The following SOX5 variants were observed in gnomAD, a reference collection of about 807,000 sequenced individuals.
SOX5 encodes SRY-box transcription factor 5.
SOX5 carries 9 observed loss-of-function variants against 92.0 expected under a neutral mutation model. The ratio of observed to expected loss-of-function variants is 0.10; its 90% CI spans 0.06 to 0.17. The LOEUF is 0.17. Ranked by LOEUF, SOX5 falls within the 10% of genes least tolerant of loss-of-function variation. The probability of loss-of-function intolerance (pLI) is 1.00; values close to 1 mark genes in which losing one functional copy is unlikely to be tolerated. For synonymous variants in SOX5, 344 were observed against 336.3 expected (o/e 1.02, Z -0.25); for missense variants, 642 against 944.5 (o/e 0.68, Z 4.20).
chr12:24,020,752 C>A (rs1036755273), intron 4 of SOX5, among the ~76,000 whole-genome samples: 2 of 152,170 alleles, frequency 1.3e-5, no homozygotes, highest in African/African-American at 4.8e-5. Flanking sequence ...GCTTAATCAA[C>A]TCCCTCGGAA....
At chr12:23,647,760 T>C (rs2081048759) in intron 7 of SOX5, among the ~76,000 whole-genome samples, 2 of 152,216 alleles carry the variant, frequency 1.3e-5, no homozygotes, top group Non-Finnish European at 1.5e-5. Context: ...TCAGCCTTCG[T>C]AGAATTGAAG....
intron 1 of SOX5, among the ~76,000 whole-genome samples, chr12:24,475,937 A>G (rs1484823423): frequency 6.6e-6 from 1 of 151,872 alleles, no homozygotes; most frequent in Admixed American, 6.6e-5. Context: ...AGCCATGTTC[A>G]TACCACTGCA....
intron 2 of SOX5, among the ~76,000 whole-genome samples, chr12:23,860,155 G>A (rs1267019574): frequency 1.3e-5 from 2 of 151,864 alleles, no homozygotes; most frequent in East Asian, 3.8e-4. Context: ...GGGGGGAAAC[G>A]GTGGGAGGAG....
chr12:23,682,992 A>G (rs2086877937), intron 6 of SOX5, among the ~76,000 whole-genome samples: 1 of 151,916 alleles, frequency 6.6e-6, no homozygotes, highest in Non-Finnish European at 1.5e-5. Flanking sequence ...CATAAAGGCA[A>G]AAATTATTGC....
chr12:24,276,444 C>T (rs1347763630), intron 3 of SOX5, among the ~76,000 whole-genome samples: 3 of 152,112 alleles, frequency 2.0e-5, no homozygotes, highest in African/African-American at 7.2e-5. Context: ...GCAAGATGAA[C>T]AGTGTTTCAT....
intron 9 of SOX5, among the ~76,000 whole-genome samples, chr12:23,600,745 T>C (rs1376780818): frequency 5.9e-5 from 9 of 151,732 alleles, no homozygotes; most frequent in African/African-American, 1.9e-4. Flanking sequence ...TGTTTTCACA[T>C]TTACAGAACA....
intron 1 of SOX5, among the ~76,000 whole-genome samples, chr12:24,486,347 A>C (rs1198017808): frequency 1.3e-5 from 2 of 152,042 alleles, no homozygotes; most frequent in East Asian, 3.9e-4. Context: ...CTACCATCCC[A>C]CCAAGTAATT....
At chr12:23,586,898 G>A (rs1365062090) in intron 9 of SOX5, among the ~76,000 whole-genome samples, 2 of 149,970 alleles carry the variant, frequency 1.3e-5, no homozygotes, top group Non-Finnish European at 3.0e-5. Flanking sequence ...CACAGTATAG[G>A]TCTATTTAAA....
chr12:24,464,430 T>G (rs981808461), intron 1 of SOX5, among the ~76,000 whole-genome samples: 3 of 151,182 alleles, frequency 2.0e-5, no homozygotes, highest in African/African-American at 7.3e-5. Flanking sequence ...TCACGCCGCC[T>G]CCCGGGTTCA....
intron 4 of SOX5, among the ~76,000 whole-genome samples, chr12:24,207,350 T>C (rs1185534300): frequency 6.6e-6 from 1 of 152,002 alleles, no homozygotes; most frequent in African/African-American, 2.4e-5. Flanking sequence ...CCGAGAACAA[T>C]ATCGCCACGT....
At chr12:24,030,781 G>T (rs1319899510) in intron 4 of SOX5, among the ~76,000 whole-genome samples, 1 of 151,898 alleles carries the variant, frequency 6.6e-6, no homozygotes, top group Admixed American at 6.6e-5. Context: ...GACAATATTT[G>T]CAAATCCTAT....
chr12:23,631,017 C>G (rs1263681346), intron 8 of SOX5, among the ~76,000 whole-genome samples: 1 of 151,896 alleles, frequency 6.6e-6, no homozygotes, highest in Non-Finnish European at 1.5e-5. Flanking sequence ...AATTAAGACT[C>G]CACCCTATGT....
intron 3 of SOX5, among the ~76,000 whole-genome samples, chr12:24,263,809 C>CT (rs1942618766): frequency 6.6e-6 from 1 of 152,108 alleles, no homozygotes; most frequent in Non-Finnish European, 1.5e-5. Context: ...CTGTTTCAAA[C>CT]TGGAAGTTCC....
intron 4 of SOX5, among the ~76,000 whole-genome samples, chr12:24,161,990 T>G (rs1451460882): frequency 6.6e-6 from 1 of 152,022 alleles, no homozygotes; most frequent in African/African-American, 2.4e-5. Context: ...TTAATAGAAA[T>G]CATTGGTAAG....
intron 1 of SOX5, among the ~76,000 whole-genome samples, chr12:24,555,005 G>C (rs1953626512): frequency 6.6e-6 from 1 of 152,232 alleles, no homozygotes; most frequent in African/African-American, 2.4e-5. Flanking sequence ...ACAACTCCCT[G>C]AAGGGGCTCT....
intron 1 of SOX5, among the ~76,000 whole-genome samples, chr12:24,547,381 C>T (rs1192424729): frequency 1.3e-5 from 2 of 150,814 alleles, no homozygotes; most frequent in East Asian, 1.9e-4. Context: ...TTAGTAGAGA[C>T]GGGGTTTCAC....
intron 1 of SOX5, among the ~76,000 whole-genome samples, chr12:24,380,962 G>T (rs1957764841): frequency 6.6e-6 from 1 of 152,124 alleles, no homozygotes; most frequent in South Asian, 2.1e-4. Context: ...TTTCCAAGGG[G>T]GGCATCTATA....
intron 6 of SOX5, among the ~76,000 whole-genome samples, chr12:23,720,540 AATG>A (rs2092756403): frequency 6.6e-6 from 1 of 152,094 alleles, no homozygotes; most frequent in African/African-American, 2.4e-5. Flanking sequence ...CACAAATCCC[AATG>A]ATATGTTGTT....
chr12:24,288,527 T>C (rs1946194621), intron 2 of SOX5, among the ~76,000 whole-genome samples: 1 of 151,500 alleles, frequency 6.6e-6, no homozygotes, highest in Non-Finnish European at 1.5e-5. Flanking sequence ...GTGACAGAGG[T>C]CACCGTTACT....
Sources: gnomAD v4.1 joint callset for allele counts (sites outside exome capture counted in the v4.1 genomes callset) on GRCh38, gnomAD v4.1.1 for gene constraint, MANE v1.5 for transcripts, NCBI Gene and HGNC (gene_info 2026-07-23, HGNC 2026-07-21) for gene names.